MICU1: variants seen among roughly 807,000 people sequenced by gnomAD.
MICU1 encodes mitochondrial calcium uptake 1, also known as calcium uptake protein 1, mitochondrial.
Under a neutral mutation model 56.8 loss-of-function variants are expected in MICU1, and 45 were observed. The observed-to-expected ratio is 0.79, with a 90% CI of 0.62 to 1.02. MICU1 has a LOEUF of 1.02. MICU1 is among the 50% of genes least tolerant of loss of function. The pLI is 0.00. For synonymous variants in MICU1, 186 were observed against 195.1 expected (o/e 0.95, Z 0.39); for missense variants, 504 against 587.1 (o/e 0.86, Z 1.46).
chr10:72,614,542 T>A (rs1841932246), intron 1 of MICU1, among the ~76,000 whole-genome samples: 1 of 152,242 alleles, frequency 6.6e-6, no homozygotes, highest in Non-Finnish European at 1.5e-5. Flanking sequence ...CAGCCTTTAT[T>A]TTTTCTTAAT....
chr10:72,485,298 G>T (rs547330925), intron 6 of MICU1, among the ~76,000 whole-genome samples: 2 of 151,916 alleles, frequency 1.3e-5, no homozygotes, highest in South Asian at 4.2e-4. Flanking sequence ...GGCTGGTCTC[G>T]ATTTCCTGGG....
chr10:72,583,829 G>A (rs973589712), intron 1 of MICU1, among the ~76,000 whole-genome samples: 1 of 152,132 alleles, frequency 6.6e-6, no homozygotes, highest in Non-Finnish European at 1.5e-5. Flanking sequence ...CCAAAATACA[G>A]TAGAGATTAA....
At chr10:72,514,936 C>T (rs1399577107) in intron 5 of MICU1, among the ~76,000 whole-genome samples, 1 of 152,200 alleles carries the variant, frequency 6.6e-6, no homozygotes, top group Non-Finnish European at 1.5e-5. Context: ...GTCTGCTTGT[C>T]CCAGCTGCTA....
chr10:72,552,986 T>C (rs1176284203), intron 3 of MICU1, among the ~76,000 whole-genome samples: 1 of 152,250 alleles, frequency 6.6e-6, no homozygotes, highest in Non-Finnish European at 1.5e-5. Context: ...CATGTGCTTT[T>C]AGCAACTGAG....
chr10:72,473,624 T>A (rs967698674), intron 8 of MICU1, among the ~76,000 whole-genome samples: 3 of 151,982 alleles, frequency 2.0e-5, no homozygotes, highest in African/African-American at 7.2e-5. Context: ...GCACCGAACA[T>A]GTACATCTTT....
At chr10:72,478,365 T>C (rs547161652) in intron 6 of MICU1, among the ~76,000 whole-genome samples, 1 of 152,288 alleles carries the variant, frequency 6.6e-6, no homozygotes, top group South Asian at 2.1e-4. Flanking sequence ...ACTCTGTGCA[T>C]TGGAATAAAA....
chr10:72,533,874 A>G (rs1839556994), intron 4 of MICU1, 85 bp from the exon 5 acceptor site: 7 of 912,616 alleles, frequency 7.7e-6, no homozygotes, highest in Non-Finnish European at 1.1e-5. Context: ...TTTTGTTTCC[A>G]GTCATTCAGT....
chr10:72,538,525 ATC>A (rs1454005689), intron 4 of MICU1, among the ~76,000 whole-genome samples: 1 of 152,162 alleles, frequency 6.6e-6, no homozygotes, highest in African/African-American at 2.4e-5. Context: ...GCTTGAAATA[ATC>A]TGTTATAATT....
At chr10:72,541,855 T>A (rs1426844393) in intron 4 of MICU1, among the ~76,000 whole-genome samples, 1 of 152,172 alleles carries the variant, frequency 6.6e-6, no homozygotes, top group Non-Finnish European at 1.5e-5. Flanking sequence ...GCCACTGACA[T>A]TTTCTGGTTG....
At chr10:72,488,826 G>A (rs921567227) in intron 6 of MICU1, among the ~76,000 whole-genome samples, 1 of 152,180 alleles carries the variant, frequency 6.6e-6, no homozygotes, top group African/African-American at 2.4e-5. Flanking sequence ...GAGAAAGTAT[G>A]GAGGAATTAG....
intron 10 of MICU1, among the ~76,000 whole-genome samples, chr10:72,381,952 A>G (rs1456158427): frequency 7.7e-6 from 1 of 130,016 alleles, no homozygotes; most frequent in Non-Finnish European, 1.6e-5. Flanking sequence ...GACTGTGTAT[A>G]TATATATCTA....
chr10:72,407,082 T>C (rs763716066), intron 10 of MICU1, among the ~76,000 whole-genome samples: 18 of 152,144 alleles, frequency 1.2e-4, no homozygotes, highest in Non-Finnish European at 2.1e-4. Context: ...AATTAATCTA[T>C]GGTGGAAAAA....
intron 1 of MICU1, among the ~76,000 whole-genome samples, chr10:72,620,131 A>C (rs564432739): frequency 7.1e-4 from 108 of 152,330 alleles, no homozygotes; most frequent in Non-Finnish European, 1.2e-3. Context: ...TTTGCTTATA[A>C]CAGACACCAA....
intron 6 of MICU1, among the ~76,000 whole-genome samples, chr10:72,494,475 T>C (rs987396672): frequency 6.6e-6 from 1 of 151,458 alleles, no homozygotes; most frequent in Non-Finnish European, 1.5e-5. Context: ...GAACTCAGTC[T>C]TGCTAGTGTT....
At chr10:72,382,023 C>A (rs1035763561) in intron 10 of MICU1, among the ~76,000 whole-genome samples, 3 of 148,100 alleles carry the variant, frequency 2.0e-5, no homozygotes, top group Non-Finnish European at 4.5e-5. Flanking sequence ...TGGAGAAACA[C>A]GTAGAAGAGA....
intron 1 of MICU1, among the ~76,000 whole-genome samples, chr10:72,569,368 G>GGCACATACCTGTAGGACTTGAGTA (rs1840549203): frequency 6.7e-6 from 1 of 149,706 alleles, no homozygotes; most frequent in African/African-American, 2.5e-5. Context: ...TTGAGTAGCT[G>GGCACATACCTGTAGGACTTGAGTA]GGACTACAGG....
intron 9 of MICU1, among the ~76,000 whole-genome samples, chr10:72,413,292 A>G (rs7904599): frequency 0.071 from 10,872 of 152,246 alleles, 1,334 homozygotes; most frequent in African/African-American, 0.25. Flanking sequence ...GAGTTCTTAG[A>G]TGACACCCAA....
intron 6 of MICU1, among the ~76,000 whole-genome samples, chr10:72,504,813 C>G (rs922975595): frequency 1.3e-5 from 2 of 151,968 alleles, no homozygotes; most frequent in South Asian, 4.2e-4. Context: ...TAAAAGTGGG[C>G]AAAGGACATG....
At chr10:72,485,830 A>G (rs545670070) in intron 6 of MICU1, among the ~76,000 whole-genome samples, 3 of 152,128 alleles carry the variant, frequency 2.0e-5, no homozygotes, top group South Asian at 4.2e-4. Flanking sequence ...TCAACTTCCA[A>G]TAGGAGACAT....
Sources: gnomAD v4.1 joint callset for allele counts (sites outside exome capture counted in the v4.1 genomes callset) on GRCh38, gnomAD v4.1.1 for gene constraint, MANE v1.5 for transcripts, NCBI Gene and HGNC (gene_info 2026-07-23, HGNC 2026-07-21) for gene names.